The following MPP4 variants were observed in gnomAD, a reference collection of about 807,000 sequenced individuals.
MPP4 encodes MAGUK p55 subfamily member 4.
A neutral mutation model predicts 98.3 loss-of-function variants in MPP4; 91 were observed. The observed-to-expected ratio is 0.93, with a 90% CI of 0.78 to 1.10. The LOEUF (loss-of-function observed/expected upper bound fraction) is 1.10. Ranked by LOEUF, MPP4 falls within the 50% of genes least tolerant of loss-of-function variation. The pLI is 0.00. For missense variants in MPP4, 744 were observed against 792.9 expected (o/e 0.94, Z 0.74); for synonymous variants, 261 against 271.8 (o/e 0.96, Z 0.39).
At chr2:201,692,724 A>G (rs1689072830) in intron 3 of MPP4, among the ~76,000 whole-genome samples, 184 bp downstream of exon 3, 2 of 152,290 alleles carry the variant, frequency 1.3e-5, no homozygotes, top group South Asian at 4.2e-4. Flanking sequence ...GGAGCCCTCA[A>G]AAGACACTGA....
rs774907309 is a variant in MPP4, at chr2:201,680,984, G to A, written c.783C>T (p.Ile261=). The stretch of plus-strand genomic sequence containing the variant: ...AAGGCAATCCAGCGTCCATGCAGGG[G>A]ATGTCGGGATCCTCCTGGGGCCAGT... ...TEYWPQEDPD[I]PCMDAGLPFQ... Residue 261 remains isoleucine (I), a synonymous_variant, in exon 10 of 22, where the codon ATC becomes ATT. Transcript: ENST00000409474. 1 of 1,613,922 alleles carries A rather than the reference G, an allele frequency of 6.2e-7. No individual in the cohort carries two copies. The highest frequency in any genetic ancestry group is 2.2e-5 in the East Asian group (1 of 44,878).
At chr2:201,681,634 C>G in intron 8 of MPP4, 67 bp from the exon 9 acceptor site, 1 of 1,182,210 alleles carries the variant, frequency 8.5e-7, no homozygotes, top group East Asian at 2.4e-5. Context: ...GCTCGGTGGA[C>G]AGAGTTACAG....
In MPP4 at chr2:201,692,986, C is replaced by A. The variant is rs762549963; in HGVS notation, c.123G>T (p.Leu41=). Residue 41 remains leucine (L), a synonymous_variant, in exon 3 of 22, where the codon CTG becomes CTT. Coordinates refer to ENST00000409474, the MANE Select transcript of MPP4 (RefSeq NM_033066.3). ...ILRLVLQELS[L]FYGRDVNGVC... is the part of the protein sequence containing the mutation. ...CTCCATTCACATCTCTGCCGTAGAA[C>A]AGACTCAGCTCTTGCAGCACAAGCC... is the stretch of plus-strand genomic sequence containing the variant. 1.9e-6 allele frequency: 3 copies of A among 1,613,134 alleles called. No individual in the cohort carries two copies. Among genetic ancestry groups the A allele is most frequent in the Non-Finnish European group, 2.5e-6 (3 of 1,179,576 alleles).
chr2:201,695,118 G>A (rs908919179), intron 1 of MPP4, among the ~76,000 whole-genome samples: 6 of 152,098 alleles, frequency 3.9e-5, no homozygotes, highest in African/African-American at 1.4e-4. Context: ...GGCTAATAGG[G>A]CAGCCTTGCT....
chr2:201,652,942 T>C (rs947767243), intron 18 of MPP4, among the ~76,000 whole-genome samples: 36 of 152,354 alleles, frequency 2.4e-4, no homozygotes, highest in African/African-American at 8.7e-4. Context: ...CTTTCTCTCC[T>C]AAATGATATA....
rs539081102 is a variant in MPP4, at chr2:201,688,231, T to C, written c.280-860A>G. On this transcript the variant is annotated intron_variant, in intron 4 of 21. Coordinates refer to ENST00000409474, the MANE Select transcript of MPP4 (RefSeq NM_033066.3). ...TATTCATTCATTCGACAAATATTTA[T>C]TGAACACTACTGTGTGCTAGGAACT... 3.9e-5 allele frequency among the ~76,000 whole-genome samples: 6 copies of C among 152,354 alleles called. No homozygotes were observed. The East Asian group carries it at 7.7e-4, about 20-fold the overall frequency.
Position 201,647,727 on chromosome 2 carries a change from C to T in MPP4, c.1683G>A (p.Lys561=). The T allele has an allele frequency of 6.2e-7, 1 of 1,613,938 alleles. No individual in the cohort carries two copies. Among genetic ancestry groups the T allele is most frequent in the Non-Finnish European group, 8.5e-7 (1 of 1,179,846 alleles). Residue 561 remains lysine (K), a synonymous_variant, in exon 21 of 22, where the codon AAG becomes AAA. Transcript: ENST00000409474. ...TGTCCACATAGTAGTCAGTAATAAC[C>T]TTGGCATTTTTCCGAGATTGTTTCA... is the stretch of plus-strand genomic sequence containing the variant. ...RCMKQSRKNA[K]VITDYYVDMK...
At chr2:201,662,219 G>A (rs1053263490) in intron 14 of MPP4, 3 of 166,152 alleles carry the variant, frequency 1.8e-5, no homozygotes, top group Non-Finnish European at 3.8e-5. Context: ...CATTTTAAAA[G>A]AAGTAATTTA....
intron 18 of MPP4, chr2:201,651,713 G>T: frequency 1.1e-6 from 1 of 921,826 alleles, no homozygotes; most frequent in Non-Finnish European, 1.3e-6. Flanking sequence ...CAGCACTTTG[G>T]GAGGCCAAGG....
chr2:201,675,179 G>T (rs775404364), intron 11 of MPP4, 28 bp downstream of exon 11: 2 of 1,589,662 alleles, frequency 1.3e-6, no homozygotes, highest in African/African-American at 2.7e-5. Flanking sequence ...CAAACAGGAA[G>T]AACCTGTCGG....
rs1249066146 is a variant in MPP4 at position 201,690,204 on chromosome 2, C to T, written c.277G>A (p.Glu93Lys). The T allele has an allele frequency of 6.2e-7, 1 of 1,604,556 alleles. No homozygotes were observed. Among genetic ancestry groups the T allele is most frequent in the East Asian group, 2.2e-5 (1 of 44,768 alleles). ...CCTGTGGAATAAAATCTCCTTACCT[C>T]ATAGGATAACACCTGTGCATGTGGT... ...ATPHAQVLSY[E>K]VVELLRETPT... The change falls in exon 4 of 22, where the codon GAG becomes AAG. Residue 93 changes from glutamate (E) to lysine (K), a missense_variant and splice_region_variant. Coordinates refer to ENST00000409474, the MANE Select transcript of MPP4 (RefSeq NM_033066.3).
In MPP4 at chr2:201,694,112, G is replaced by A. The variant is rs1689110899; in HGVS notation, c.-100-58C>T. 2.8e-5 allele frequency: 41 copies of A among 1,481,672 alleles called. No individual in the cohort carries two copies. In the South Asian group the frequency reaches 5.0e-4, roughly 18 times the overall value. 91.8% of individuals were successfully genotyped at this position (1,481,672 alleles called of 1,614,324 possible). The stretch of plus-strand genomic sequence containing the variant: ...AAGCCAGGCCCTGTGCTACACACTG[G>A]GATACACATCAAATGAAACACAGTC... On this transcript the variant is annotated intron_variant, in intron 1 of 21. Transcript: ENST00000409474.
intron 8 of MPP4, among the ~76,000 whole-genome samples, chr2:201,682,215 T>C (rs1688685926): frequency 6.6e-6 from 1 of 152,218 alleles, no homozygotes; most frequent in Non-Finnish European, 1.5e-5. Context: ...TGCATATCTG[T>C]GATTTCTAGT....
chr2:201,657,814 T>C (rs1213783242), intron 16 of MPP4, among the ~76,000 whole-genome samples: 2 of 151,968 alleles, frequency 1.3e-5, no homozygotes, highest in Non-Finnish European at 2.9e-5. Flanking sequence ...CAGGCTACCA[T>C]TGTCCCCTGC....
intron 13 of MPP4, among the ~76,000 whole-genome samples, chr2:201,664,630 C>A (rs767298787): frequency 1.7e-4 from 26 of 152,142 alleles, no homozygotes; most frequent in Non-Finnish European, 3.4e-4. Context: ...TAAAACAACT[C>A]TTGTTAGCAT....
chr2:201,646,086 G>C (rs535454181), intron 21 of MPP4, among the ~76,000 whole-genome samples: 1 of 152,070 alleles, frequency 6.6e-6, no homozygotes, highest in Admixed American at 6.6e-5. Flanking sequence ...TTAATGTCTC[G>C]TCATGTTTTG....
At chr2:201,694,415 A>G (rs780683639) in intron 1 of MPP4, among the ~76,000 whole-genome samples, 6 of 151,910 alleles carry the variant, frequency 3.9e-5, no homozygotes, top group South Asian at 2.1e-4. Flanking sequence ...ATTTCCTCTC[A>G]TTGCACCTTA....
intron 11 of MPP4, among the ~76,000 whole-genome samples, chr2:201,671,587 C>G (rs894065704): frequency 6.6e-6 from 1 of 152,060 alleles, no homozygotes; most frequent in African/African-American, 2.4e-5. Context: ...CAAAAAAAAG[C>G]AGGGGTTCCA....
rs1689106663 is a variant in MPP4, at chr2:201,693,899, G to GAAA, written c.53_55dup (p.Leu18_Ser19insPhe). ...ACCATTCTGTGGATTGGTGGCTGTA[G>GAAA]AAAGCTTCATGTCCTTCTTGTCTGG... On this transcript the variant is annotated inframe_insertion, in exon 2 of 22. Coordinates refer to ENST00000409474, the MANE Select transcript of MPP4 (RefSeq NM_033066.3). 6.2e-7 allele frequency: 1 copy of GAAA among 1,613,858 alleles called. No homozygotes were observed. Among genetic ancestry groups the GAAA allele is most frequent in the African/African-American group, 1.3e-5 (1 of 74,918 alleles).
Sources: allele counts gnomAD v4.1 joint callset (sites outside exome capture counted in the v4.1 genomes callset), GRCh38; gene constraint gnomAD v4.1.1; transcripts MANE v1.5; gene names NCBI Gene and HGNC (gene_info 2026-07-23, HGNC 2026-07-21).